Variants in MICU1 observed in about 807,000 individuals in gnomAD.
The protein encoded by MICU1 is mitochondrial calcium uptake 1, also known as calcium uptake protein 1, mitochondrial.
A neutral mutation model predicts 56.8 loss-of-function variants in MICU1; 45 were observed. That is an observed-to-expected ratio of 0.79 (90% CI 0.62 to 1.02). MICU1 has a LOEUF of 1.02. Among genes scored for constraint, MICU1 ranks in the 50% least tolerant of loss-of-function variants. MICU1 has a pLI of 0.00. For synonymous variants in MICU1, 186 were observed against 195.1 expected, an observed-to-expected ratio of 0.95 and a Z score of 0.39; for missense variants, 504 against 587.1, an observed-to-expected ratio of 0.86 and a Z score of 1.46.
At chr10:72,611,457 C>CA in intron 1 of MICU1, among the ~76,000 whole-genome samples, 1 of 151,826 alleles carries the variant, frequency 6.6e-6, no homozygotes, top group East Asian at 1.9e-4. Flanking sequence ...ACTAAAAATA[C>CA]AAAAATTACA....
Position 72,385,483 on chromosome 10 carries a change from G to A in MICU1, c.1181-9611C>T, listed in dbSNP as rs1419557914. Among the ~76,000 whole-genome samples, 3 of 151,798 alleles carry A rather than the reference G, an allele frequency of 2.0e-5. No homozygotes were observed. The East Asian group carries it at 5.8e-4, about 29-fold the overall frequency. On this transcript the variant is annotated intron_variant, in intron 10 of 11. Transcript: ENST00000361114. Reference sequence around the variant, plus strand: ...CTAGCCTAGGTGACAGAGCAAGACTGTCTCAAAAAAAACCAACCAAACAAA... The same window carrying A: ...CTAGCCTAGGTGACAGAGCAAGACTATCTCAAAAAAAACCAACCAAACAAA...
chr10:72,442,390 C>T (rs866263926), intron 8 of MICU1, among the ~76,000 whole-genome samples: 1 of 151,922 alleles, frequency 6.6e-6, no homozygotes, highest in Non-Finnish European at 1.5e-5. Context: ...GTGACCCACC[C>T]GCCTCAGCCT....
At chr10:72,424,985 A>C (rs1240279668) in intron 8 of MICU1, among the ~76,000 whole-genome samples, 1 of 152,244 alleles carries the variant, frequency 6.6e-6, no homozygotes, top group African/African-American at 2.4e-5. Flanking sequence ...AGAGCTGATA[A>C]ATTTTTGACA....
chr10:72,458,504 C>T (rs897153354), intron 8 of MICU1, among the ~76,000 whole-genome samples: 1 of 152,038 alleles, frequency 6.6e-6, no homozygotes, highest in Non-Finnish European at 1.5e-5. Context: ...GAAATCACTG[C>T]TTTGGGATTA....
chr10:72,474,258 C>CAAAAAAAAAAAAAAAAAAAAAA, intron 8 of MICU1, among the ~76,000 whole-genome samples: 1 of 60,728 alleles, frequency 1.6e-5, no homozygotes, highest in Non-Finnish European at 2.8e-5. Context: ...AGGACTGTCT[C>CAAAAAAAAAAAAAAAAAAAAAA]AAAAAAAAAA....
At chr10:72,477,443 GA>G in intron 6 of MICU1, 187 bp from the exon 7 acceptor site, 1 of 1,452,844 alleles carries the variant, frequency 6.9e-7, no homozygotes, top group South Asian at 1.2e-5. Context: ...AATACTCCTT[GA>G]AACCAAAAAA....
intron 8 of MICU1, among the ~76,000 whole-genome samples, chr10:72,430,230 T>G (rs1864481568): frequency 6.6e-6 from 1 of 152,212 alleles, no homozygotes; most frequent in South Asian, 2.1e-4. Context: ...AAATCCCTTC[T>G]TGAAAAAGGC....
At chr10:72,492,359 A>G (rs1367988794) in intron 6 of MICU1, among the ~76,000 whole-genome samples, 1 of 152,224 alleles carries the variant, frequency 6.6e-6, no homozygotes, top group African/African-American at 2.4e-5. Context: ...TGTCTTAGAC[A>G]TGGGTAGTAG....
chr10:72,575,266 T>C (rs1015703552), intron 1 of MICU1, among the ~76,000 whole-genome samples: 1 of 152,228 alleles, frequency 6.6e-6, no homozygotes, highest in Non-Finnish European at 1.5e-5. Context: ...CTGGCCCTAT[T>C]TTGTTTGGAT....
chr10:72,501,946 T>C (rs1469921645), intron 6 of MICU1, among the ~76,000 whole-genome samples: 1 of 152,176 alleles, frequency 6.6e-6, no homozygotes, highest in Admixed American at 6.5e-5. Flanking sequence ...GAAAAACAGC[T>C]TTCTTAATTT....
chr10:72,436,418 A>T (rs1305277808), intron 8 of MICU1, among the ~76,000 whole-genome samples: 1 of 152,226 alleles, frequency 6.6e-6, no homozygotes, highest in Non-Finnish European at 1.5e-5. Context: ...GATCACCAAC[A>T]TCAAAGACCA....
At chr10:72,559,727 G>A (rs1840245381) in intron 3 of MICU1, among the ~76,000 whole-genome samples, 1 of 152,144 alleles carries the variant, frequency 6.6e-6, no homozygotes, top group Admixed American at 6.5e-5. Flanking sequence ...AAGTGAGAAT[G>A]TGAAGGACAA....
At chr10:72,525,250 A>T (rs543715518) in intron 5 of MICU1, among the ~76,000 whole-genome samples, 11 of 152,336 alleles carry the variant, frequency 7.2e-5, no homozygotes, top group Admixed American at 2.0e-4. Flanking sequence ...ATTTTCAAAT[A>T]TCAAATGGTT....
At chr10:72,606,186 T>C (rs1442572374) in intron 1 of MICU1, among the ~76,000 whole-genome samples, 2 of 150,106 alleles carry the variant, frequency 1.3e-5, no homozygotes, top group Non-Finnish European at 3.0e-5. Context: ...TAAACCTAAA[T>C]CTCTTCCCTT....
chr10:72,404,536 A>G (rs987944605), intron 10 of MICU1, among the ~76,000 whole-genome samples: 1 of 150,186 alleles, frequency 6.7e-6, no homozygotes, highest in Non-Finnish European at 1.5e-5. Context: ...TAGACTGAGT[A>G]AGAAATATTT....
At chr10:72,575,377 T>A (rs974108409) in intron 1 of MICU1, among the ~76,000 whole-genome samples, 34 of 152,202 alleles carry the variant, frequency 2.2e-4, no homozygotes, top group Non-Finnish European at 4.6e-4. Flanking sequence ...TAAAAATAAA[T>A]TTTCATTGTC....
At chr10:72,402,588 AC>A (rs1385448784) in intron 10 of MICU1, among the ~76,000 whole-genome samples, 7 of 151,810 alleles carry the variant, frequency 4.6e-5, no homozygotes, top group South Asian at 4.1e-4. Context: ...AAACAAAAAA[AC>A]AAACAAAAAA....
chr10:72,476,731 C>T (rs1866135757), intron 7 of MICU1, among the ~76,000 whole-genome samples: 1 of 152,070 alleles, frequency 6.6e-6, no homozygotes, highest in African/African-American at 2.4e-5. Flanking sequence ...GGAAATGTAA[C>T]CTATTCCTAG....
At chr10:72,410,757 G>A (rs1863782490) in intron 9 of MICU1, among the ~76,000 whole-genome samples, 1 of 152,166 alleles carries the variant, frequency 6.6e-6, no homozygotes, top group Non-Finnish European at 1.5e-5. Context: ...TCAGTCTCTT[G>A]GCTTTGCCTT....
Sources: gnomAD v4.1 joint callset for allele counts (sites outside exome capture counted in the v4.1 genomes callset) on GRCh38, gnomAD v4.1.1 for gene constraint, MANE v1.5 for transcripts, NCBI Gene and HGNC (gene_info 2026-07-23, HGNC 2026-07-21) for gene names.